PLCE1: variants seen among roughly 807,000 people sequenced by gnomAD.
PLCE1 encodes the protein phospholipase C epsilon 1.
Under a neutral mutation model 242.8 loss-of-function variants are expected in PLCE1, and 119 were observed. The observed-to-expected ratio is 0.49, with a 90% CI of 0.42 to 0.57. The LOEUF (loss-of-function observed/expected upper bound fraction) is 0.57, where lower values mean the gene tolerates loss of function less well. PLCE1 is among the 20% of genes least tolerant of loss of function. The probability of loss-of-function intolerance (pLI) is 0.00; values close to 1 mark genes in which losing one functional copy is unlikely to be tolerated. For missense variants in PLCE1, 2,441 were observed against 2,788.8 expected (o/e 0.88, Z 2.81); for synonymous variants, 945 against 1,017.4 (o/e 0.93, Z 1.35).
At chr10:94,006,800 G>A (rs2061047752) in intron 1 of PLCE1, among the ~76,000 whole-genome samples, 1 of 152,186 alleles carries the variant, frequency 6.6e-6, no homozygotes, top group Admixed American at 6.5e-5. Context: ...GATACAATAG[G>A]TGATGGAATG....
intron 4 of PLCE1, among the ~76,000 whole-genome samples, chr10:94,226,028 C>G (rs1361778987): frequency 1.3e-5 from 2 of 152,216 alleles, no homozygotes; most frequent in Non-Finnish European, 2.9e-5. Flanking sequence ...AGACTTTGGT[C>G]TGTTGACAAC....
intron 4 of PLCE1, among the ~76,000 whole-genome samples, chr10:94,178,864 T>C (rs953495297): frequency 1.3e-5 from 2 of 152,238 alleles, no homozygotes; most frequent in African/African-American, 4.8e-5. Context: ...ATATTGGTTT[T>C]TGAATTTGTA....
At chr10:94,291,708 G>C in intron 22 of PLCE1, among the ~76,000 whole-genome samples, 1 of 152,158 alleles carries the variant, frequency 6.6e-6, no homozygotes, top group East Asian at 1.9e-4. Context: ...TTCAAGATCA[G>C]CCTGGACAAC....
chr10:94,043,896 T>C (rs752932821), intron 2 of PLCE1, among the ~76,000 whole-genome samples: 1 of 152,158 alleles, frequency 6.6e-6, no homozygotes, highest in Non-Finnish European at 1.5e-5. Context: ...GAACTTTTTA[T>C]TCAGAGGAAA....
intron 1 of PLCE1, among the ~76,000 whole-genome samples, chr10:94,012,208 A>C (rs1033231214): frequency 2.0e-5 from 3 of 151,678 alleles, no homozygotes; most frequent in Non-Finnish European, 2.9e-5. Flanking sequence ...CCAGTTCCCC[A>C]AGTCTCACCC....
intron 2 of PLCE1, among the ~76,000 whole-genome samples, chr10:94,050,588 G>A (rs1040302676): frequency 6.6e-6 from 1 of 152,072 alleles, no homozygotes; most frequent in Non-Finnish European, 1.5e-5. Context: ...TTTGTGAAGA[G>A]CTCTTAGACT....
At chr10:94,248,870 A>G (rs1164813713) in intron 8 of PLCE1, among the ~76,000 whole-genome samples, 1 of 152,192 alleles carries the variant, frequency 6.6e-6, no homozygotes, top group African/African-American at 2.4e-5. Context: ...TAGGTAACTG[A>G]ATTAATACAT....
At chr10:94,256,101 G>A (rs2132895728) in intron 11 of PLCE1, among the ~76,000 whole-genome samples, 1 of 151,582 alleles carries the variant, frequency 6.6e-6, no homozygotes, top group South Asian at 2.1e-4. Flanking sequence ...AGGGAAGGAG[G>A]ATCACTTGAG....
At chr10:94,083,870 C>G (rs903004475) in intron 2 of PLCE1, among the ~76,000 whole-genome samples, 4 of 152,160 alleles carry the variant, frequency 2.6e-5, no homozygotes, top group Non-Finnish European at 5.9e-5. Flanking sequence ...TTTTTTCTTG[C>G]CTAGCAAAGA....
At position 94,270,523 on chromosome 10, in the gene PLCE1, A is replaced by T. The variant is rs560712395; in HGVS notation, c.4427A>T (p.Asn1476Ile). The T allele has an allele frequency of 6.2e-7, 1 of 1,613,776 alleles. No homozygotes were observed. Among genetic ancestry groups the T allele is most frequent in the African/African-American group, 1.3e-5 (1 of 74,900 alleles). The change falls in exon 18 of 33, where the codon AAC becomes ATC. Residue 1476 changes from asparagine (N) to isoleucine (I), a missense_variant. This residue lies in a region of PLCE1 where 1,004 missense variants were observed against 1,322.7 expected (regional missense o/e 0.76). Coordinates refer to ENST00000371380, the MANE Select transcript of PLCE1 (RefSeq NM_016341.4). ...VEAIDRSAFI[N>I]SDLPIIISIE... ...GCCATTGATCGCAGTGCCTTCATCA[A>T]CTCTGACCTGCCAATCATCATATCG... is the stretch of plus-strand genomic sequence containing the variant.
At chr10:94,279,009 T>C (rs1187723143) in intron 19 of PLCE1, among the ~76,000 whole-genome samples, 2 of 152,158 alleles carry the variant, frequency 1.3e-5, no homozygotes, top group Non-Finnish European at 2.9e-5. Context: ...TATTTTTTCA[T>C]ATCTCATTCT....
intron 27 of PLCE1, among the ~76,000 whole-genome samples, chr10:94,309,415 C>T (rs968347327): frequency 2.6e-5 from 4 of 152,158 alleles, no homozygotes; most frequent in Admixed American, 6.5e-5. Flanking sequence ...ACTGCAGCCT[C>T]GACCTTCCTG....
intron 4 of PLCE1, among the ~76,000 whole-genome samples, chr10:94,224,638 G>A (rs979264522): frequency 6.6e-6 from 1 of 152,180 alleles, no homozygotes; most frequent in Admixed American, 6.5e-5. Context: ...CCAACTCAAA[G>A]AGTCAGTAGG....
At chr10:94,226,827 A>G (rs2049955886) in intron 4 of PLCE1, among the ~76,000 whole-genome samples, 1 of 125,804 alleles carries the variant, frequency 7.9e-6, no homozygotes, top group African/African-American at 3.0e-5. Context: ...AAGGACCTAT[A>G]GGTCTTTTTT....
At chr10:94,235,860 T>C (rs2050303704) in intron 6 of PLCE1, 55 bp from the exon 7 acceptor site, 3 of 1,525,514 alleles carry the variant, frequency 2.0e-6, no homozygotes, top group East Asian at 4.5e-5. Context: ...CCTAGCCAAG[T>C]ATGTTATCCA....
chr10:94,128,093 T>C (rs538921108), intron 2 of PLCE1, among the ~76,000 whole-genome samples: 1 of 151,908 alleles, frequency 6.6e-6, no homozygotes, highest in South Asian at 2.1e-4. Flanking sequence ...GTTCAAGTGA[T>C]TCTCGTGCCT....
intron 3 of PLCE1, among the ~76,000 whole-genome samples, chr10:94,144,057 C>T (rs1286368553): frequency 6.6e-6 from 1 of 152,174 alleles, no homozygotes; most frequent in African/African-American, 2.4e-5. Context: ...TGTGGATGAT[C>T]TGGGAACATG....
At chr10:94,183,436 A>G (rs2048372957) in intron 4 of PLCE1, among the ~76,000 whole-genome samples, 1 of 152,138 alleles carries the variant, frequency 6.6e-6, no homozygotes, top group African/African-American at 2.4e-5. Context: ...AATATGGCCA[A>G]AATAGAATTA....
intron 1 of PLCE1, among the ~76,000 whole-genome samples, chr10:94,016,337 A>G (rs1052767726): frequency 3.3e-5 from 5 of 152,098 alleles, no homozygotes; most frequent in African/African-American, 1.2e-4. Context: ...GTATTTTGGA[A>G]TATTTGCATT....
Sources: gnomAD v4.1 joint callset for allele counts (sites outside exome capture counted in the v4.1 genomes callset) on GRCh38, gnomAD v4.1.1 for gene constraint, gnomAD v4.1.1 regional missense constraint, MANE v1.5 for transcripts, NCBI Gene and HGNC (gene_info 2026-07-23, HGNC 2026-07-21) for gene names.